The following PLCZ1 variants were observed in gnomAD, a reference collection of about 807,000 sequenced individuals.
PLCZ1 encodes phospholipase C zeta 1, also known as 1-phosphatidylinositol 4,5-bisphosphate phosphodiesterase zeta-1.
A neutral mutation model predicts 76.8 loss-of-function variants in PLCZ1; 64 were observed. The observed-to-expected ratio is 0.83, with a 90% CI of 0.68 to 1.03. The LOEUF (loss-of-function observed/expected upper bound fraction) is 1.03, where lower values mean the gene tolerates loss of function less well. Among genes scored for constraint, PLCZ1 ranks in the 50% least tolerant of loss-of-function variants. The pLI is 0.00. For missense variants in PLCZ1, 751 were observed against 713.7 expected (o/e 1.05, Z -0.60); for synonymous variants, 248 against 230.8 (o/e 1.07, Z -0.68).
intron 6 of PLCZ1, among the ~76,000 whole-genome samples, chr12:18,712,448 A>G (rs1464560805): frequency 6.6e-6 from 1 of 152,208 alleles, no homozygotes; most frequent in Non-Finnish European, 1.5e-5. Flanking sequence ...AATGTCAGCA[A>G]TTGAAATGAT....
rs1248665450 is a variant in PLCZ1, at chr12:18,736,298, T to G, written c.58A>C (p.Asn20His). ...AGTAACCTCTGAGTTTTTTCTAGGT[T>G]AATTTTTCCACCTCTGAAGTCATCC... ...IQDDFRGGKINLEKTQRLLEK... is the reference protein window; with the variant it reads ...IQDDFRGGKIHLEKTQRLLEK... The change falls in exon 3 of 15, where the codon AAC becomes CAC. Residue 20 changes from asparagine to histidine, a missense_variant. Coordinates refer to ENST00000266505, the MANE Select transcript of PLCZ1 (RefSeq NM_033123.4). The G allele has an allele frequency of 6.2e-7, 1 of 1,612,886 alleles. No homozygotes were observed. Among genetic ancestry groups the G allele is most frequent in the Admixed American group, 1.7e-5 (1 of 59,972 alleles).
chr12:18,701,943 T>C (rs139828146), intron 7 of PLCZ1, among the ~76,000 whole-genome samples, 167 bp from the exon 8 acceptor site: 32 of 152,264 alleles, frequency 2.1e-4, no homozygotes, highest in Non-Finnish European at 4.3e-4. Context: ...GAGGAATGAA[T>C]ACAGTGATAT....
chr12:18,684,409 G>T, intron 13 of PLCZ1, 130 bp from the exon 14 acceptor site: 1 of 789,340 alleles, frequency 1.3e-6, no homozygotes, highest in Non-Finnish European at 2.0e-6. Context: ...GAGCACATAG[G>T]TTTTTAATAT....
intron 4 of PLCZ1, among the ~76,000 whole-genome samples, chr12:18,721,986 A>AT (rs1958470375): frequency 6.6e-6 from 1 of 151,750 alleles, no homozygotes; most frequent in African/African-American, 2.4e-5. Flanking sequence ...CTCCAAACTC[A>AT]TCTCTCTCTC....
At position 18,722,893 on chromosome 12, in the gene PLCZ1, A is replaced by G. The variant is rs943673794; in HGVS notation, c.367+418T>C. ...CTTAGAATTTTTTTTCATTTAGCAC[A>G]TTTAATTTTCATAGATATTTTCAAT... is the stretch of plus-strand genomic sequence containing the variant. On this transcript the variant is annotated intron_variant, in intron 4 of 14. Coordinates refer to ENST00000266505, the MANE Select transcript of PLCZ1 (RefSeq NM_033123.4). Among the ~76,000 whole-genome samples, 13 of 152,122 alleles carry G rather than the reference A, an allele frequency of 8.5e-5. No homozygotes were observed. The South Asian group carries it at 2.1e-3, about 24-fold the overall frequency.
chr12:18,726,748 A>T (rs1002679710), intron 3 of PLCZ1, among the ~76,000 whole-genome samples: 2 of 152,194 alleles, frequency 1.3e-5, no homozygotes, highest in African/African-American at 4.8e-5. Flanking sequence ...TTTTAATGTA[A>T]AATACAGCAT....
In PLCZ1 at chr12:18,725,304, A is replaced by G. The variant is rs1179300528; in HGVS notation, c.136-1762T>C. Among the ~76,000 whole-genome samples, 8 of 152,242 alleles carry G rather than the reference A, an allele frequency of 5.3e-5. No individual in the cohort carries two copies. The East Asian group carries it at 1.5e-3, about 29-fold the overall frequency. Reference sequence around the variant, plus strand: ...AAGGGAAGCGGGGAGAAGAAAAGCAATAAGAAAGAAGGTGCAATTTGAGTG... The same window carrying G: ...AAGGGAAGCGGGGAGAAGAAAAGCAGTAAGAAAGAAGGTGCAATTTGAGTG... On this transcript the variant is annotated intron_variant, in intron 3 of 14. Transcript: ENST00000266505.
At chr12:18,664,582 A>G in the PLCZ1 span, among the ~76,000 whole-genome samples, 8 of 152,302 alleles carry the variant, frequency 5.3e-5, no homozygotes, top group South Asian at 6.2e-4. Flanking sequence ...CATGGAGACA[A>G]TGAGTAGAAT....
rs375699309 is a variant in PLCZ1, at chr12:18,688,186, A to T, written c.1494T>A (p.His498Gln). 3 of 1,610,796 alleles carry T rather than the reference A, an allele frequency of 1.9e-6. No individual in the cohort carries two copies. Among genetic ancestry groups the T allele is most frequent in the Non-Finnish European group, 2.5e-6 (3 of 1,178,662 alleles). Reference sequence around the variant, plus strand: ...ATGAATCACCTTTGTTAGATGATGAATGAGTAAGAGGCAACTGGATACCAC... The same window carrying T: ...ATGAATCACCTTTGTTAGATGATGATTGAGTAAGAGGCAACTGGATACCAC... ...LISGIQLPLT[H>Q]SSSNKGDSLV... The change falls in exon 13 of 15, where the codon CAT becomes CAA. Residue 498 changes from histidine to glutamine, a missense_variant. Physicochemically the swap from His to Gln is conservative, Grantham distance 24. Transcript: ENST00000266505.
intron 12 of PLCZ1, chr12:18,693,823 G>A (rs1321703207): frequency 3.9e-6 from 6 of 1,529,908 alleles, no homozygotes; most frequent in African/African-American, 1.4e-5. Context: ...GCATTGGCAG[G>A]AAGATTGAGT....
intron 7 of PLCZ1, among the ~76,000 whole-genome samples, chr12:18,702,266 A>G (rs936194545): frequency 3.3e-5 from 5 of 151,980 alleles, no homozygotes; most frequent in African/African-American, 1.2e-4. Flanking sequence ...GGCTCTTCAA[A>G]TTTCTTCTGT....
At chr12:18,691,942 A>G (rs958045139) in intron 12 of PLCZ1, among the ~76,000 whole-genome samples, 1 of 152,180 alleles carries the variant, frequency 6.6e-6, no homozygotes, top group South Asian at 2.1e-4. Flanking sequence ...TCTGGAAAAC[A>G]GCTCTCAATC....
rs963127381 is a variant in PLCZ1, at chr12:18,722,413, C to T, written c.367+898G>A. On this transcript the variant is annotated intron_variant, in intron 4 of 14. Coordinates refer to ENST00000266505, the MANE Select transcript of PLCZ1 (RefSeq NM_033123.4). ...TTGAATAAATTATGAATGTATGATC[C>T]AATGCAGAAATAAGTTTGGTTTTTT... Among the ~76,000 whole-genome samples, 6 of 151,976 alleles carry T rather than the reference C, an allele frequency of 3.9e-5. 1 individual carries two copies. The highest frequency in any genetic ancestry group is 6.6e-5 in the Admixed American group (1 of 15,236).
chr12:18,705,386 G>A (rs1242042430), intron 6 of PLCZ1, 71 bp from the exon 7 acceptor site: 4 of 1,537,884 alleles, frequency 2.6e-6, no homozygotes, highest in Middle Eastern at 1.7e-4. Flanking sequence ...TAATATAAGT[G>A]CTTAATGTAT....
At chr12:18,699,443 C>G (rs1352776506) in intron 10 of PLCZ1, among the ~76,000 whole-genome samples, 1 of 152,158 alleles carries the variant, frequency 6.6e-6, no homozygotes, top group Non-Finnish European at 1.5e-5. Flanking sequence ...TGCGCACCTT[C>G]GCTTCCAGGA....
chr12:18,701,586 A>G lies in PLCZ1; in HGVS notation c.950-18T>C. The G allele has an allele frequency of 6.2e-7, 1 of 1,611,824 alleles. No homozygotes were observed. Among genetic ancestry groups the G allele is most frequent in the Non-Finnish European group, 8.5e-7 (1 of 1,179,542 alleles). ...ATTGTCTCCTAAAACAGATTCCAAT[A>G]CTTCTGATTCTTTGAATTTATCCTC... On this transcript the variant is annotated intron_variant, in intron 8 of 14. Transcript: ENST00000266505.
chr12:18,693,417 A>T, intron 12 of PLCZ1: 1 of 1,604,468 alleles, frequency 6.2e-7, no homozygotes, highest in Non-Finnish European at 8.5e-7. Flanking sequence ...TTATGAAGAG[A>T]TGGGTATAAA....
rs758679381 is a variant in PLCZ1 at position 18,696,142 on chromosome 12, T to C, written c.1291+8A>G. On this transcript the variant is annotated splice_region_variant and intron_variant, in intron 11 of 14. Coordinates refer to ENST00000266505, the MANE Select transcript of PLCZ1 (RefSeq NM_033123.4). ...TCTGCAAACAACTCAATATCGTATA[T>C]AACATACCCATTTGACAACCTATAT... 3 of 1,345,326 alleles carry C rather than the reference T, an allele frequency of 2.2e-6. No individual in the cohort carries two copies. The highest frequency in any genetic ancestry group is 1.7e-5 in the Admixed American group (1 of 58,498). 83.3% of individuals were successfully genotyped at this position (1,345,326 alleles called of 1,614,324 possible).
chr12:18,646,031 GT>G, the PLCZ1 span, among the ~76,000 whole-genome samples: 1 of 152,106 alleles, frequency 6.6e-6, no homozygotes, highest in Non-Finnish European at 1.5e-5. Flanking sequence ...AGGAAAAGGA[GT>G]TTACTCTGAA....
Sources: gnomAD v4.1 joint callset for allele counts (sites outside exome capture counted in the v4.1 genomes callset) on GRCh38, gnomAD v4.1.1 for gene constraint, MANE v1.5 for transcripts, NCBI Gene and HGNC (gene_info 2026-07-23, HGNC 2026-07-21) for gene names.